The following ROCK2 variants were observed in gnomAD, a reference collection of about 807,000 sequenced individuals.
The protein encoded by ROCK2 is Rho associated coiled-coil containing protein kinase 2, also known as rho-associated protein kinase 2.
ROCK2 carries 61 observed loss-of-function variants against 195.1 expected under a neutral mutation model. The ratio of observed to expected loss-of-function variants is 0.31; its 90% CI spans 0.25 to 0.39. ROCK2 has a LOEUF of 0.39. ROCK2 is among the 10% of genes least tolerant of loss of function. The probability of loss-of-function intolerance (pLI) is 1.00; values close to 1 mark genes in which losing one functional copy is unlikely to be tolerated. For synonymous variants in ROCK2, 504 were observed against 545.5 expected (o/e 0.92, Z 1.06); for missense variants, 1,109 against 1,637.4 (o/e 0.68, Z 5.57).
chr2:11,230,286 G>A (rs956208485), intron 5 of ROCK2, among the ~76,000 whole-genome samples: 1 of 152,024 alleles, frequency 6.6e-6, no homozygotes, highest in Non-Finnish European at 1.5e-5. Context: ...ACATTGTATA[G>A]TGTCAAAAAA....
intron 1 of ROCK2, among the ~76,000 whole-genome samples, chr2:11,333,112 T>C (rs147920628): frequency 9.2e-5 from 14 of 152,334 alleles, no homozygotes; most frequent in East Asian, 1.9e-4. Flanking sequence ...CTAAAAATCA[T>C]TATATTGTAC....
At position 11,195,037 on chromosome 2, in the gene ROCK2, CACA is replaced by C; in HGVS notation, c.3449-15_3449-13del. 1 of 1,509,030 alleles carries C rather than the reference CACA, an allele frequency of 6.6e-7. No individual in the cohort carries two copies. The highest frequency in any genetic ancestry group is 9.0e-7 in the Non-Finnish European group (1 of 1,106,738). The allele number at this position is 1,509,030 out of a possible 1,614,324, so 93.5% of individuals were successfully genotyped here. ...TTCTAATCTTGATTCTACAAATAAG[CACA>C]ACATGTGAGGCTAAAGATAACAATT... On this transcript the variant is annotated splice_polypyrimidine_tract_variant and intron_variant, in intron 27 of 32. Coordinates refer to ENST00000315872, the MANE Select transcript of ROCK2 (RefSeq NM_004850.5).
At chr2:11,298,085 C>A (rs1446715294) in intron 1 of ROCK2, among the ~76,000 whole-genome samples, 1 of 152,022 alleles carries the variant, frequency 6.6e-6, no homozygotes, top group Non-Finnish European at 1.5e-5. Context: ...TGTATACATA[C>A]AATGTACATA....
intron 1 of ROCK2, among the ~76,000 whole-genome samples, chr2:11,291,541 ACT>A (rs1406602638): frequency 8.6e-6 from 1 of 115,908 alleles, no homozygotes; most frequent in Non-Finnish European, 1.9e-5. Context: ...ACAGACCAAG[ACT>A]CTGTCTTAAA....
intron 3 of ROCK2, among the ~76,000 whole-genome samples, chr2:11,254,038 G>T (rs1411310361): frequency 6.6e-6 from 1 of 152,138 alleles, no homozygotes; most frequent in Non-Finnish European, 1.5e-5. Context: ...ATTTTATTAG[G>T]GGAGTGGGTT....
chr2:11,219,797 C>A (rs147828379), intron 9 of ROCK2, among the ~76,000 whole-genome samples: 3 of 151,514 alleles, frequency 2.0e-5, no homozygotes, highest in Non-Finnish European at 2.9e-5. Flanking sequence ...CAATGCCAGG[C>A]GGTCAAAAGC....
chr2:11,313,782 TTTGA>T (rs1177469340), intron 1 of ROCK2, among the ~76,000 whole-genome samples: 1 of 151,954 alleles, frequency 6.6e-6, no homozygotes. Context: ...CTTTATCCTC[TTTGA>T]TTATCTGGAG....
At chr2:11,330,766 AGG>A (rs1668702890) in intron 1 of ROCK2, among the ~76,000 whole-genome samples, 2 of 71,770 alleles carry the variant, frequency 2.8e-5, no homozygotes, top group African/African-American at 5.2e-5. Flanking sequence ...AGGAGGGAGG[AGG>A]AGGAGGGAGG....
chr2:11,259,097 T>C (rs760848302), intron 3 of ROCK2, among the ~76,000 whole-genome samples: 1 of 151,486 alleles, frequency 6.6e-6, no homozygotes, highest in East Asian at 1.9e-4. Flanking sequence ...AAGGGAGATT[T>C]AGGCTTCACT....
intron 16 of ROCK2, 103 bp downstream of exon 16, chr2:11,214,737 G>C: frequency 9.7e-7 from 1 of 1,031,518 alleles, no homozygotes; most frequent in Non-Finnish European, 1.4e-6. Flanking sequence ...TTACATAATA[G>C]TATATTCAGA....
chr2:11,288,316 T>C (rs1042381144), intron 1 of ROCK2, among the ~76,000 whole-genome samples: 20 of 152,186 alleles, frequency 1.3e-4, no homozygotes, highest in Admixed American at 5.2e-4. Flanking sequence ...AAAAAAACTA[T>C]ATACACATAA....
At position 11,211,739 on chromosome 2, in the gene ROCK2, T is replaced by C. The variant is rs55932113; in HGVS notation, c.2145A>G (p.Leu715=). Residue 715 remains leucine (L), a synonymous_variant, in exon 18 of 33, where the codon CTA becomes CTG. Coordinates refer to ENST00000315872, the MANE Select transcript of ROCK2 (RefSeq NM_004850.5). ...EAEHKATKAR[L]ADKNKIYESI... The stretch of plus-strand genomic sequence containing the variant: ...ACTCATAGATCTTATTTTTATCTGC[T>C]AGTCGTGCCTTTGTGGCCTTATGTT... The C allele has an allele frequency of 0.046, 74,789 of 1,613,260 alleles. 2,491 individuals are homozygous for C. Among genetic ancestry groups the C allele is most frequent in the Non-Finnish European group, 0.051 (60,170 of 1,179,508 alleles).
intron 3 of ROCK2, among the ~76,000 whole-genome samples, chr2:11,262,077 T>C (rs1347310310): frequency 1.3e-5 from 2 of 152,238 alleles, no homozygotes; most frequent in South Asian, 2.1e-4. Flanking sequence ...CATTCTGTTA[T>C]GTAGTATGAC....
intron 1 of ROCK2, among the ~76,000 whole-genome samples, chr2:11,341,493 T>C (rs1017835479): frequency 6.6e-6 from 1 of 152,218 alleles, no homozygotes; most frequent in Non-Finnish European, 1.5e-5. Context: ...CGTTATCTCA[T>C]AAAACTTTGT....
chr2:11,285,394 G>C (rs900237475), intron 3 of ROCK2, among the ~76,000 whole-genome samples: 3 of 151,956 alleles, frequency 2.0e-5, no homozygotes, highest in African/African-American at 7.3e-5. Context: ...TAGTTATAAA[G>C]CTTGCCTACC....
intron 1 of ROCK2, among the ~76,000 whole-genome samples, chr2:11,296,296 G>A (rs1033128445): frequency 2.0e-5 from 3 of 152,044 alleles, no homozygotes; most frequent in Admixed American, 1.3e-4. Context: ...CTTAAATTTT[G>A]AAAAGATACA....
At chr2:11,257,107 T>C (rs1046958151) in intron 3 of ROCK2, among the ~76,000 whole-genome samples, 3 of 151,612 alleles carry the variant, frequency 2.0e-5, no homozygotes, top group Middle Eastern at 3.2e-3. Flanking sequence ...ATAGATTACA[T>C]CACTTCTCAT....
At chr2:11,208,240 ATTAATTCATTAGTTT>A in intron 19 of ROCK2, 32 bp downstream of exon 19, 1 of 1,147,936 alleles carries the variant, frequency 8.7e-7, no homozygotes, top group Non-Finnish European at 1.1e-6. Context: ...GAATAAACCT[ATTAATTCATTAGTTT>A]ATTATTAATC....
chr2:11,320,372 T>C (rs1029040809), intron 1 of ROCK2, among the ~76,000 whole-genome samples: 4 of 152,204 alleles, frequency 2.6e-5, no homozygotes, highest in East Asian at 1.9e-4. Flanking sequence ...GTTCCTTCAA[T>C]AGCACTGTCT....
Sources: allele counts gnomAD v4.1 joint callset (sites outside exome capture counted in the v4.1 genomes callset), GRCh38; gene constraint gnomAD v4.1.1; transcripts MANE v1.5; gene names NCBI Gene and HGNC (gene_info 2026-07-23, HGNC 2026-07-21).